Variants in TRPM3 observed in about 807,000 individuals in gnomAD.
The protein encoded by TRPM3 is transient receptor potential cation channel subfamily M member 3.
Under a neutral mutation model 181.2 loss-of-function variants are expected in TRPM3, and 77 were observed. The ratio of observed to expected loss-of-function variants is 0.42; its 90% confidence interval spans 0.35 to 0.51. TRPM3 has a LOEUF of 0.51. Ranked by LOEUF, TRPM3 falls within the 20% of genes least tolerant of loss-of-function variation. TRPM3 has a pLI of 0.01. For synonymous variants in TRPM3, 745 were observed against 796.4 expected, an observed-to-expected ratio of 0.94 and a Z score of 1.09; for missense variants, 1,759 against 2,196.7, an observed-to-expected ratio of 0.80 and a Z score of 3.98.
intron 6 of TRPM3, among the ~76,000 whole-genome samples, chr9:70,823,291 A>G (rs1249965507): frequency 6.6e-6 from 1 of 152,172 alleles, no homozygotes; most frequent in Non-Finnish European, 1.5e-5. Flanking sequence ...TCTCTACCTC[A>G]GTCTAATCTC....
intron 1 of TRPM3, among the ~76,000 whole-genome samples, chr9:71,264,154 C>A (rs1343726723): frequency 6.6e-6 from 1 of 152,042 alleles, no homozygotes; most frequent in Non-Finnish European, 1.5e-5. Context: ...GTGTGACTTA[C>A]CTTTGACATA....
intron 5 of TRPM3, among the ~76,000 whole-genome samples, chr9:70,836,364 T>C (rs1177882266): frequency 1.3e-5 from 2 of 152,172 alleles, no homozygotes; most frequent in Non-Finnish European, 2.9e-5. Flanking sequence ...TTTGGCTACC[T>C]GGATCTCTCC....
intron 1 of TRPM3, among the ~76,000 whole-genome samples, chr9:71,362,469 T>C (rs1388024936): frequency 6.6e-6 from 1 of 152,182 alleles, no homozygotes; most frequent in Non-Finnish European, 1.5e-5. Context: ...CTATTTCCCA[T>C]GTGGCTGGCC....
chr9:71,342,877 C>T (rs2091052212), intron 1 of TRPM3, among the ~76,000 whole-genome samples: 1 of 152,052 alleles, frequency 6.6e-6, no homozygotes, highest in Non-Finnish European at 1.5e-5. Flanking sequence ...TAATGGTTTA[C>T]TATTCAGTGA....
intron 1 of TRPM3, among the ~76,000 whole-genome samples, chr9:71,404,140 T>C (rs2093392697): frequency 6.6e-6 from 1 of 152,168 alleles, no homozygotes; most frequent in South Asian, 2.1e-4. Flanking sequence ...AGGGCTGTAA[T>C]ACATACATCC....
At chr9:71,179,942 T>C (rs1292036810) in intron 1 of TRPM3, among the ~76,000 whole-genome samples, 1 of 151,912 alleles carries the variant, frequency 6.6e-6, no homozygotes, top group African/African-American at 2.4e-5. Flanking sequence ...TGTCCATCAC[T>C]GGAGGAAACT....
rs142911722 is a variant in TRPM3 at position 70,692,192 on chromosome 9, T to C, written c.1273-10614A>G. The stretch of plus-strand genomic sequence containing the variant: ...TATCACCAAGCACTTTTCTGTATTC[T>C]TGGGAATTCTTCAAAACATAATTTT... On this transcript the variant is annotated intron_variant, in intron 8 of 25. Transcript: ENST00000677713. Among the ~76,000 whole-genome samples, 1,047 of 152,342 alleles carry C rather than the reference T, an allele frequency of 6.9e-3. 6 individuals are homozygous for C. The highest frequency in any genetic ancestry group is 0.011 in the Non-Finnish European group (761 of 68,038).
intron 6 of TRPM3, among the ~76,000 whole-genome samples, chr9:70,786,618 CA>C (rs34389471): frequency 6.6e-6 from 1 of 152,192 alleles, no homozygotes; most frequent in East Asian, 1.9e-4. Flanking sequence ...AACATGCCTT[CA>C]AAAAGGTAGC....
At chr9:71,350,456 C>T (rs979043836) in intron 1 of TRPM3, among the ~76,000 whole-genome samples, 1 of 152,150 alleles carries the variant, frequency 6.6e-6, no homozygotes, top group African/African-American at 2.4e-5. Context: ...CTGACTAGTT[C>T]CTAAATACAA....
chr9:70,797,616 C>T (rs181877897), intron 6 of TRPM3, among the ~76,000 whole-genome samples: 54 of 152,310 alleles, frequency 3.5e-4, no homozygotes, highest in Non-Finnish European at 7.1e-4. Flanking sequence ...TTTCCTTCAG[C>T]CACACCAATT....
At chr9:71,237,041 C>T (rs1421675077) in intron 1 of TRPM3, among the ~76,000 whole-genome samples, 1 of 22,054 alleles carries the variant, frequency 4.5e-5, no homozygotes. Context: ...AGCAAGACTC[C>T]ATCAAAAAAA....
At chr9:71,098,808 C>T (rs1453216811) in intron 1 of TRPM3, among the ~76,000 whole-genome samples, 1 of 152,074 alleles carries the variant, frequency 6.6e-6, no homozygotes. Flanking sequence ...TTTCTTGGAG[C>T]CCCCTGGAAA....
At chr9:70,621,090 ATATATT>A (rs999167832) in intron 15 of TRPM3, among the ~76,000 whole-genome samples, 148 bp downstream of exon 15, 56 of 146,970 alleles carry the variant, frequency 3.8e-4, no homozygotes, top group African/African-American at 1.3e-3. Context: ...TATATATACT[ATATATT>A]TATAGTATAT....
intron 1 of TRPM3, among the ~76,000 whole-genome samples, chr9:71,328,409 G>C (rs1385394258): frequency 6.6e-6 from 1 of 152,072 alleles, no homozygotes; most frequent in Non-Finnish European, 1.5e-5. Context: ...CTCGTGATCT[G>C]CCCGCCTCGG....
At chr9:70,786,456 G>C (rs1256476698) in intron 6 of TRPM3, among the ~76,000 whole-genome samples, 1 of 151,988 alleles carries the variant, frequency 6.6e-6, no homozygotes, top group Non-Finnish European at 1.5e-5. Flanking sequence ...TTGTGCTCCA[G>C]CCTGGGCAGC....
chr9:71,078,534 T>C (rs1171947127), intron 1 of TRPM3, among the ~76,000 whole-genome samples: 1 of 152,224 alleles, frequency 6.6e-6, no homozygotes, highest in African/African-American at 2.4e-5. Flanking sequence ...TCATGGCCTG[T>C]ATTACTTCTT....
At chr9:70,622,303 C>T (rs150418369) in intron 14 of TRPM3, among the ~76,000 whole-genome samples, 11 of 152,270 alleles carry the variant, frequency 7.2e-5, no homozygotes, top group South Asian at 2.1e-4. Flanking sequence ...GGTATTTTGT[C>T]GTAGCAGCCT....
intron 1 of TRPM3, among the ~76,000 whole-genome samples, chr9:71,051,693 T>C (rs1255614494): frequency 6.6e-6 from 1 of 152,170 alleles, no homozygotes; most frequent in Non-Finnish European, 1.5e-5. Context: ...TATATCACCA[T>C]AGAGTACTGC....
At chr9:70,829,566 T>C (rs951560249) in intron 5 of TRPM3, among the ~76,000 whole-genome samples, 25 of 152,320 alleles carry the variant, frequency 1.6e-4, no homozygotes, top group East Asian at 1.9e-4. Flanking sequence ...TAATGTAGCA[T>C]TAATTTAATG....
Sources: allele counts gnomAD v4.1 joint callset (sites outside exome capture counted in the v4.1 genomes callset), GRCh38; gene constraint gnomAD v4.1.1; transcripts MANE v1.5; gene names NCBI Gene and HGNC (gene_info 2026-07-23, HGNC 2026-07-21).